Variants in UIMC1 observed in about 807,000 individuals in gnomAD.
The protein encoded by UIMC1 is BRCA1-A complex subunit RAP80.
UIMC1 carries 42 observed loss-of-function variants against 84.9 expected under a neutral mutation model. The ratio of observed to expected loss-of-function variants is 0.49; its 90% CI spans 0.39 to 0.64. The LOEUF is 0.64. UIMC1 is among the 30% of genes least tolerant of loss of function. UIMC1 has a pLI of 0.00. For missense variants in UIMC1, 825 were observed against 847.6 expected (o/e 0.97, Z 0.33); for synonymous variants, 281 against 293.0 (o/e 0.96, Z 0.42).
chr5:176,923,488 T>C (rs537110152), intron 10 of UIMC1, among the ~76,000 whole-genome samples: 1 of 151,690 alleles, frequency 6.6e-6, no homozygotes, highest in South Asian at 2.1e-4. Context: ...AGGCACAGGC[T>C]GCAGTGAGCT....
Position 176,993,045 on chromosome 5 carries a change from G to A in UIMC1, c.-8-10422C>T, listed in dbSNP as rs1048154736. Among the ~76,000 whole-genome samples, 10 of 151,956 alleles carry A rather than the reference G, an allele frequency of 6.6e-5. No individual in the cohort carries two copies. The East Asian group carries it at 1.9e-3, about 29-fold the overall frequency. ...TACTAAAAATACAAAAATCAGCTGG[G>A]CATGGTGGTGTGCACCTATAATCCC... On this transcript the variant is annotated intron_variant, in intron 1 of 14. Coordinates refer to ENST00000511320, the MANE Select transcript of UIMC1 (RefSeq NM_001199298.2).
intron 14 of UIMC1, 144 bp downstream of exon 14, chr5:176,905,867 G>T: frequency 2.4e-6 from 2 of 828,400 alleles, no homozygotes; most frequent in Non-Finnish European, 2.0e-6. Flanking sequence ...GGAGCACAGA[G>T]TCATACTGAG....
intron 10 of UIMC1, among the ~76,000 whole-genome samples, chr5:176,923,875 AT>A (rs1453489782): frequency 4.5e-5 from 3 of 67,004 alleles, no homozygotes; most frequent in African/African-American, 1.1e-4. Flanking sequence ...AAAAAAAAAA[AT>A]ATATATATAT....
intron 10 of UIMC1, among the ~76,000 whole-genome samples, chr5:176,915,041 T>C (rs1355657878): frequency 6.6e-6 from 1 of 152,218 alleles, no homozygotes; most frequent in Non-Finnish European, 1.5e-5. Flanking sequence ...TCCCCCATCT[T>C]GACTATCACG....
intron 10 of UIMC1, among the ~76,000 whole-genome samples, chr5:176,926,315 T>C (rs1002413977): frequency 6.6e-6 from 1 of 152,036 alleles, no homozygotes; most frequent in Non-Finnish European, 1.5e-5. Context: ...ATAATGGTGT[T>C]ACAATTTTGT....
chr5:176,979,896 AGAG>A (rs1770752690), intron 2 of UIMC1, among the ~76,000 whole-genome samples: 1 of 152,178 alleles, frequency 6.6e-6, no homozygotes, highest in Admixed American at 6.5e-5. Context: ...GGGTGTTTGC[AGAG>A]GAGATTAGAG....
At chr5:177,004,306 A>G (rs1435967363) in intron 1 of UIMC1, among the ~76,000 whole-genome samples, 1 of 152,208 alleles carries the variant, frequency 6.6e-6, no homozygotes, top group East Asian at 1.9e-4. Context: ...ACAGATACAA[A>G]TTCCAAAATT....
chr5:177,005,604 G>A (rs1350779920), intron 1 of UIMC1, among the ~76,000 whole-genome samples: 3 of 151,686 alleles, frequency 2.0e-5, no homozygotes, highest in Non-Finnish European at 4.4e-5. Flanking sequence ...TTCCACATGA[G>A]GAAACTTAAC....
At chr5:176,928,923 C>A (rs189347210) in intron 10 of UIMC1, among the ~76,000 whole-genome samples, 1 of 151,424 alleles carries the variant, frequency 6.6e-6, no homozygotes, top group African/African-American at 2.4e-5. Flanking sequence ...TGCACTCCAA[C>A]CTGGGCAACA....
At chr5:176,951,636 AAAAC>A in intron 8 of UIMC1, 59 bp from the exon 9 acceptor site, 3 of 1,310,442 alleles carry the variant, frequency 2.3e-6, no homozygotes, top group Admixed American at 2.4e-5. Flanking sequence ...CATAATTAAA[AAAAC>A]AAACATGCCT....
intron 10 of UIMC1, among the ~76,000 whole-genome samples, chr5:176,932,504 TATAG>T (rs147552199): frequency 0.033 from 5,014 of 151,352 alleles, 289 homozygotes; most frequent in African/African-American, 0.11. Flanking sequence ...AGGAGACAGA[TATAG>T]ATAGATAGAC....
chr5:176,911,871 A>G (rs1760260847), intron 10 of UIMC1, among the ~76,000 whole-genome samples: 1 of 152,210 alleles, frequency 6.6e-6, no homozygotes, highest in Admixed American at 6.5e-5. Flanking sequence ...CAGTTAATAC[A>G]ACCAGTCTTT....
intron 10 of UIMC1, among the ~76,000 whole-genome samples, chr5:176,921,832 T>A (rs1761744959): frequency 6.6e-6 from 1 of 152,198 alleles, no homozygotes; most frequent in Non-Finnish European, 1.5e-5. Context: ...TTAGATTACA[T>A]CATTCCCTCG....
intron 2 of UIMC1, among the ~76,000 whole-genome samples, chr5:176,981,751 G>T (rs916258201): frequency 6.6e-6 from 1 of 151,894 alleles, no homozygotes; most frequent in African/African-American, 2.4e-5. Flanking sequence ...TAACACCACT[G>T]CACTCCAGCC....
At chr5:176,935,161 A>G (rs1763578101) in intron 10 of UIMC1, among the ~76,000 whole-genome samples, 1 of 151,602 alleles carries the variant, frequency 6.6e-6, no homozygotes, top group Non-Finnish European at 1.5e-5. Context: ...CATAATTCAT[A>G]CAAATGTTAA....
At chr5:176,955,454 AG>A (rs1423055918) in intron 8 of UIMC1, among the ~76,000 whole-genome samples, 1 of 152,176 alleles carries the variant, frequency 6.6e-6, no homozygotes, top group African/African-American at 2.4e-5. Flanking sequence ...TGTGAAGTCC[AG>A]GCACAGTGGC....
intron 10 of UIMC1, among the ~76,000 whole-genome samples, chr5:176,915,370 C>T (rs906437990): frequency 8.6e-5 from 13 of 151,712 alleles, no homozygotes; most frequent in African/African-American, 3.2e-4. Flanking sequence ...TTATGAGGAC[C>T]TATTTTGTGC....
chr5:177,009,801 G>A (rs80236345), upstream of UIMC1, among the ~76,000 whole-genome samples: 37 of 152,132 alleles, frequency 2.4e-4, no homozygotes, highest in East Asian at 6.2e-3. This position sits in a 1 kb window ranked among gnomAD's most constrained non-coding sequence, Gnocchi z 4.3. Flanking sequence ...TTGGGAGGCC[G>A]AGGCGGGTGG....
intron 9 of UIMC1, among the ~76,000 whole-genome samples, chr5:176,945,815 T>C (rs1765036517): frequency 6.6e-6 from 1 of 152,240 alleles, no homozygotes; most frequent in South Asian, 2.1e-4. Context: ...ATGGATTGTT[T>C]GTAACCAGCT....
Sources: allele counts gnomAD v4.1 joint callset (sites outside exome capture counted in the v4.1 genomes callset), GRCh38; gene constraint gnomAD v4.1.1; non-coding constraint Gnocchi (gnomAD v3.1); transcripts MANE v1.5; gene names NCBI Gene and HGNC (gene_info 2026-07-23, HGNC 2026-07-21).